The following B4GALNT3 variants were observed in gnomAD, a reference collection of about 807,000 sequenced individuals.
B4GALNT3 encodes the protein beta-1,4-N-acetylgalactosaminyltransferase 3.
Under a neutral mutation model 120.2 loss-of-function variants are expected in B4GALNT3, and 86 were observed. The observed-to-expected ratio is 0.72, with a 90% confidence interval of 0.60 to 0.86. B4GALNT3 has a LOEUF of 0.86. B4GALNT3 is among the 40% of genes least tolerant of loss of function. B4GALNT3 has a pLI of 0.00. For synonymous variants in B4GALNT3, 518 were observed against 510.4 expected (o/e 1.01, Z -0.20); for missense variants, 1,167 against 1,298.9 (o/e 0.90, Z 1.56).
chr12:549,812 G>A lies in B4GALNT3; in HGVS notation c.897G>A (p.Gln299=). Residue 299 remains glutamine, a synonymous_variant, in exon 10 of 20, where the codon CAG becomes CAA. Transcript: ENST00000266383. The part of the protein sequence containing the change: ...LQMDEVGHIP[Q]TAASHVDSSN... ...TGGATGAGGTGGGCCACATCCCACA[G>A]ACAGCAGCCAGCCACGTGGACTCCT... 1 of 1,613,684 alleles carries A rather than the reference G, an allele frequency of 6.2e-7. No individual in the cohort carries two copies. Among genetic ancestry groups the A allele is most frequent in the Non-Finnish European group, 8.5e-7 (1 of 1,180,014 alleles).
chr12:466,214 C>G (rs1304781788), intron 1 of B4GALNT3, among the ~76,000 whole-genome samples: 1 of 152,150 alleles, frequency 6.6e-6, no homozygotes, highest in Non-Finnish European at 1.5e-5. Context: ...TCCGTGCTGG[C>G]TTCTGGAGAG....
At position 561,517 on chromosome 12, in the gene B4GALNT3, C is replaced by A; in HGVS notation, c.*66C>A. 1 of 1,316,766 alleles carries A rather than the reference C, an allele frequency of 7.6e-7. No individual in the cohort carries two copies. The highest frequency in any genetic ancestry group is 1.1e-6 in the Non-Finnish European group (1 of 939,332). The allele number at this position is 1,316,766 out of a possible 1,614,324, so 81.6% of individuals were successfully genotyped here. ...CTAGCAGTGGCTCCCCAGGGCCCTG[C>A]TACTGTTCAGGGATGGGGAGTGGGG... On this transcript the variant is annotated 3_prime_UTR_variant, in exon 20 of 20. Coordinates refer to ENST00000266383, the MANE Select transcript of B4GALNT3 (RefSeq NM_173593.4).
chr12:540,984 C>G (rs1370109221), intron 3 of B4GALNT3, among the ~76,000 whole-genome samples: 1 of 152,162 alleles, frequency 6.6e-6, no homozygotes, highest in Non-Finnish European at 1.5e-5. Context: ...ACCTCGTGAT[C>G]CGCCCGCCTC....
rs138884534 is a variant in B4GALNT3, at chr12:553,630, C to A, written c.1707C>A (p.Ile569=). The change falls in exon 14 of 20, where the codon ATC becomes ATA. Residue 569 remains isoleucine, a synonymous_variant. Coordinates refer to ENST00000266383, the MANE Select transcript of B4GALNT3 (RefSeq NM_173593.4). ...GGCTGAACCAGGTGGAGTCGTACAT[C>A]GCAGAGCAGAGACGGGGTGACAGGA... ...TQWLNQVESY[I]AEQRRGDRMR... 6.2e-7 allele frequency: 1 copy of A among 1,613,882 alleles called. No individual in the cohort carries two copies. Among genetic ancestry groups the A allele is most frequent in the Non-Finnish European group, 8.5e-7 (1 of 1,179,920 alleles).
At chr12:487,217 A>G (rs978946820) in intron 1 of B4GALNT3, among the ~76,000 whole-genome samples, 1 of 152,240 alleles carries the variant, frequency 6.6e-6, no homozygotes, top group African/African-American at 2.4e-5. Flanking sequence ...TGAAATATAC[A>G]TAATGGAATA....
chr12:494,902 TC>T (rs1363670068), intron 1 of B4GALNT3, among the ~76,000 whole-genome samples: 1 of 152,172 alleles, frequency 6.6e-6, no homozygotes, highest in Non-Finnish European at 1.5e-5. Flanking sequence ...CAGGTTTCAC[TC>T]GTTAGGTTGA....
rs1947231218 is a variant in B4GALNT3 at position 561,433 on chromosome 12, C to G, written c.2979C>G (p.Arg993=). 1 of 1,613,208 alleles carries G rather than the reference C, an allele frequency of 6.2e-7. No homozygotes were observed. The highest frequency in any genetic ancestry group is 8.5e-7 in the Non-Finnish European group (1 of 1,179,832). The change falls in exon 20 of 20, where the codon CGC becomes CGG. Residue 993 remains arginine (R), a synonymous_variant. Coordinates refer to ENST00000266383, the MANE Select transcript of B4GALNT3 (RefSeq NM_173593.4). The part of the protein sequence containing the change: ...FHSKRGMWSR[R]QMKTL ...CCAAGCGAGGCATGTGGAGCCGTCG[C>G]CAGATGAAGACGCTGTAGCCGGAGG...
intron 1 of B4GALNT3, among the ~76,000 whole-genome samples, chr12:516,141 G>A (rs1278009502): frequency 3.5e-5 from 5 of 141,448 alleles, no homozygotes; most frequent in Admixed American, 1.4e-4. Flanking sequence ...GCGAGACTCC[G>A]TCTCAAAAAA....
At chr12:465,540 G>A (rs752259048) in intron 1 of B4GALNT3, among the ~76,000 whole-genome samples, 1 of 151,382 alleles carries the variant, frequency 6.6e-6, no homozygotes, top group Non-Finnish European at 1.5e-5. Context: ...AATCATAAGC[G>A]TATTTTCTTT....
intron 1 of B4GALNT3, among the ~76,000 whole-genome samples, chr12:510,472 C>T (rs1166412419): frequency 2.6e-5 from 3 of 113,808 alleles, no homozygotes; most frequent in Non-Finnish European, 6.5e-5. Flanking sequence ...GGGGGCTGGT[C>T]AGGGGAGTTG....
At chr12:520,769 T>C (rs10459123) in intron 1 of B4GALNT3, among the ~76,000 whole-genome samples, 113,967 of 152,222 alleles carry the variant, frequency 0.75, 43,055 homozygotes, top group East Asian at 0.86. Flanking sequence ...CCAGCCTGGG[T>C]GACAGAGCGA....
At chr12:468,494 G>C (rs910188342) in intron 1 of B4GALNT3, among the ~76,000 whole-genome samples, 1 of 152,170 alleles carries the variant, frequency 6.6e-6, no homozygotes, top group African/African-American at 2.4e-5. Flanking sequence ...GTTGAAAACA[G>C]TGACACCATA....
intron 1 of B4GALNT3, among the ~76,000 whole-genome samples, chr12:526,101 G>C (rs1328008091): frequency 6.6e-6 from 1 of 152,212 alleles, no homozygotes; most frequent in Admixed American, 6.5e-5. Flanking sequence ...ATGTGTGCCA[G>C]AGCGCATCCT....
chr12:560,795 G>A (rs184569744), intron 19 of B4GALNT3, among the ~76,000 whole-genome samples: 8 of 152,298 alleles, frequency 5.3e-5, no homozygotes, highest in African/African-American at 1.9e-4. Context: ...ATCCAGTTCG[G>A]CCACTCTCAG....
intron 13 of B4GALNT3, 168 bp from the exon 14 acceptor site, chr12:553,026 G>C: frequency 1.1e-6 from 1 of 897,756 alleles, no homozygotes; most frequent in East Asian, 2.4e-5. Flanking sequence ...GGGGTTAATT[G>C]AGGTTGAGTA....
At chr12:505,069 T>G (rs1172275729) in intron 1 of B4GALNT3, among the ~76,000 whole-genome samples, 1 of 152,124 alleles carries the variant, frequency 6.6e-6, no homozygotes, top group Non-Finnish European at 1.5e-5. Context: ...GTTTTCTGTA[T>G]TTTTAGTAGA....
rs536871849 is a variant in B4GALNT3 at position 561,703 on chromosome 12, A to G, written c.*252A>G. On this transcript the variant is annotated 3_prime_UTR_variant, in exon 20 of 20. Transcript: ENST00000266383. ...GGAGGGACCACTTGCTCAGTCGAGA[A>G]CGGGAAGAGCTCCTGAGAAGGACGG... is the stretch of plus-strand genomic sequence containing the variant. 3 of 466,304 alleles carry G rather than the reference A, an allele frequency of 6.4e-6. No homozygotes were observed. The highest frequency in any genetic ancestry group is 2.0e-5 in the African/African-American group (1 of 51,014). 28.9% of individuals were successfully genotyped at this position (466,304 alleles called of 1,614,324 possible).
At chr12:538,782 C>G (rs1946886907) in intron 3 of B4GALNT3, among the ~76,000 whole-genome samples, 1 of 152,160 alleles carries the variant, frequency 6.6e-6, no homozygotes, top group South Asian at 2.1e-4. Context: ...CACACGCAGT[C>G]ACACAGCTGC....
At chr12:499,776 A>G (rs1455679910) in intron 1 of B4GALNT3, among the ~76,000 whole-genome samples, 1 of 152,266 alleles carries the variant, frequency 6.6e-6, no homozygotes, top group Non-Finnish European at 1.5e-5. Context: ...TGGTCACTTT[A>G]TTGGCTCCAG....
Sources: allele counts gnomAD v4.1 joint callset (sites outside exome capture counted in the v4.1 genomes callset), GRCh38; gene constraint gnomAD v4.1.1; transcripts MANE v1.5; gene names NCBI Gene and HGNC (gene_info 2026-07-23, HGNC 2026-07-21).